Variants in NIBAN1 observed in about 807,000 individuals in gnomAD.
The protein encoded by NIBAN1 is niban apoptosis regulator 1.
In NIBAN1, 81 loss-of-function variants were observed where a neutral mutation model predicts 75.1. That is an observed-to-expected ratio of 1.08 (90% CI 0.90 to 1.30). NIBAN1 has a LOEUF of 1.30. NIBAN1 is among the 50% of genes most tolerant of loss of function. The pLI is 0.00. For missense variants in NIBAN1, 1,133 were observed against 1,128.1 expected, an observed-to-expected ratio of 1.00 and a Z score of -0.06; for synonymous variants, 436 against 424.8, an observed-to-expected ratio of 1.03 and a Z score of -0.32.
At chr1:184,878,227 G>C (rs112630788) in intron 5 of NIBAN1, among the ~76,000 whole-genome samples, 2 of 152,276 alleles carry the variant, frequency 1.3e-5, no homozygotes, top group African/African-American at 4.8e-5. Context: ...GAGCAGTTCT[G>C]TTTATTCTAG....
intron 1 of NIBAN1, among the ~76,000 whole-genome samples, chr1:184,917,757 G>A (rs765825577): frequency 6.6e-6 from 1 of 151,422 alleles, no homozygotes; most frequent in Non-Finnish European, 1.5e-5. Flanking sequence ...CCTTTTTCTC[G>A]GATTGCCATT....
At position 184,808,290 on chromosome 1, in the gene NIBAN1, C is replaced by A. The variant is rs1218218426; in HGVS notation, c.1174-55G>T. Reference sequence around the variant, plus strand: ...ACCCTCAGAATGAGGAGCGGTATTGCATATATATTGCATATTACATACATT... The same window carrying A: ...ACCCTCAGAATGAGGAGCGGTATTGAATATATATTGCATATTACATACATT... On this transcript the variant is annotated intron_variant, in intron 9 of 13. Transcript: ENST00000367511. 3.4e-5 allele frequency: 52 copies of A among 1,546,344 alleles called. 1 individual carries two copies. The highest frequency in any genetic ancestry group is 4.3e-5 in the Non-Finnish European group (49 of 1,130,068).
chr1:184,796,145 A>C (rs575639272), intron 13 of NIBAN1, 48 bp from the exon 14 acceptor site: 1 of 1,484,386 alleles, frequency 6.7e-7, no homozygotes, highest in South Asian at 1.4e-5. Flanking sequence ...TTTATTGAGA[A>C]GCCAAAGTCC....
rs4011647 is a variant in NIBAN1 at position 184,809,652 on chromosome 1, TAC to T, written c.1174-1419_1174-1418del. On this transcript the variant is annotated intron_variant, in intron 9 of 13. Coordinates refer to ENST00000367511, the MANE Select transcript of NIBAN1 (RefSeq NM_052966.4). ...ATATATGTGTGTGTGTATATATATA[TAC>T]ACATATATATGTGTGTGTGTATATA... Among the ~76,000 whole-genome samples the T allele has an allele frequency of 6.3e-4, 92 of 145,790 alleles. No homozygotes were observed. The South Asian group carries it at 6.9e-3, about 11-fold the overall frequency.
chr1:184,890,393 T>A (rs769959669), intron 3 of NIBAN1, among the ~76,000 whole-genome samples, 171 bp from the exon 4 acceptor site: 1 of 152,224 alleles, frequency 6.6e-6, no homozygotes, highest in African/African-American at 2.4e-5. Flanking sequence ...TACCTGCTAA[T>A]GGCAAGGTAA....
chr1:184,907,681 T>G (rs1657138664), intron 1 of NIBAN1, among the ~76,000 whole-genome samples: 2 of 152,214 alleles, frequency 1.3e-5, no homozygotes. Flanking sequence ...CCAAGGACTC[T>G]CTTTTTCTTC....
chr1:184,956,847 G>GC (rs1658503937), intron 1 of NIBAN1, among the ~76,000 whole-genome samples: 1 of 152,072 alleles, frequency 6.6e-6, no homozygotes. Context: ...CCCTTCATTA[G>GC]CCCCCCACCA....
intron 1 of NIBAN1, among the ~76,000 whole-genome samples, chr1:184,953,491 A>T (rs1329825977): frequency 2.0e-5 from 3 of 152,236 alleles, no homozygotes; most frequent in African/African-American, 7.2e-5. Context: ...CTCATTTGCA[A>T]AATACATCAT....
At position 184,884,622 on chromosome 1, in the gene NIBAN1, C is replaced by A; in HGVS notation, c.601+11G>T. ...TCCCGCCCCGGGGATGAGAGGGGAG[C>A]CGCGCCATACCATGATTGAGATGCC... On this transcript the variant is annotated intron_variant, in intron 5 of 13. Transcript: ENST00000367511. The A allele has an allele frequency of 6.2e-7, 1 of 1,613,326 alleles. No individual in the cohort carries two copies. Among genetic ancestry groups the A allele is most frequent in the Non-Finnish European group, 8.5e-7 (1 of 1,179,520 alleles).
chr1:184,942,283 ATACTTT>A (rs1462394425), intron 1 of NIBAN1, among the ~76,000 whole-genome samples: 1 of 152,280 alleles, frequency 6.6e-6, no homozygotes, highest in African/African-American at 2.4e-5. Flanking sequence ...CATTAAAGTT[ATACTTT>A]TTTAGTCCAT....
At chr1:184,861,605 GGAAGGAAAGGAGAAT>G (rs1231785430) in intron 5 of NIBAN1, among the ~76,000 whole-genome samples, 1 of 142,646 alleles carries the variant, frequency 7.0e-6, no homozygotes, top group Non-Finnish European at 1.5e-5. Flanking sequence ...AGGGAAGGAA[GGAAGGAAAGGAGAAT>G]GAAGGAAGGA....
intron 1 of NIBAN1, among the ~76,000 whole-genome samples, chr1:184,972,913 G>A (rs1414106790): frequency 6.6e-6 from 1 of 152,164 alleles, no homozygotes; most frequent in Non-Finnish European, 1.5e-5. Context: ...GCTTTCCAGT[G>A]AAATAAAGTC....
rs559124912 is a variant in NIBAN1 at position 184,899,013 on chromosome 1, T to C, written c.186+166A>G. 3.5e-4 allele frequency among the ~76,000 whole-genome samples: 53 copies of C among 152,322 alleles called. No homozygotes were observed. The Middle Eastern group carries it at 0.01, about 29-fold the overall frequency. ...TATGGATTATATCAGCAACAAGAAA[T>C]CATACATTCTAACTTCCAGGCAAAT... On this transcript the variant is annotated intron_variant, in intron 2 of 13. Coordinates refer to ENST00000367511, the MANE Select transcript of NIBAN1 (RefSeq NM_052966.4).
intron 1 of NIBAN1, among the ~76,000 whole-genome samples, chr1:184,936,064 G>T (rs1464223989): frequency 1.3e-5 from 2 of 151,688 alleles, no homozygotes; most frequent in African/African-American, 2.4e-5. Flanking sequence ...CTATTGAAAG[G>T]TTTACACTTA....
chr1:184,960,702 C>T (rs1197959467), intron 1 of NIBAN1, among the ~76,000 whole-genome samples: 1 of 152,096 alleles, frequency 6.6e-6, no homozygotes, highest in Admixed American at 6.5e-5. Flanking sequence ...AGTCTCGGCT[C>T]ACTGCAGCCT....
chr1:184,855,289 C>T (rs909634032), intron 5 of NIBAN1, among the ~76,000 whole-genome samples: 2 of 152,130 alleles, frequency 1.3e-5, no homozygotes, highest in African/African-American at 4.8e-5. Context: ...GTTTACGTTA[C>T]AATCAAGAAC....
intron 6 of NIBAN1, among the ~76,000 whole-genome samples, chr1:184,825,502 A>G (rs1654819492): frequency 6.6e-6 from 1 of 152,242 alleles, no homozygotes; most frequent in Non-Finnish European, 1.5e-5. Context: ...AGGGTATGAG[A>G]TAATTAATGG....
intron 9 of NIBAN1, among the ~76,000 whole-genome samples, chr1:184,813,490 C>T (rs1275604336): frequency 6.6e-6 from 1 of 152,034 alleles, no homozygotes; most frequent in Non-Finnish European, 1.5e-5. Flanking sequence ...ACATTAAATT[C>T]TAAATAAGGC....
intron 1 of NIBAN1, among the ~76,000 whole-genome samples, chr1:184,925,332 C>T (rs1657655370): frequency 6.6e-6 from 1 of 151,978 alleles, no homozygotes; most frequent in Non-Finnish European, 1.5e-5. Flanking sequence ...TATAGGCAAC[C>T]AATCATTGGG....
Sources: allele counts gnomAD v4.1 joint callset (sites outside exome capture counted in the v4.1 genomes callset), GRCh38; gene constraint gnomAD v4.1.1; transcripts MANE v1.5; gene names NCBI Gene and HGNC (gene_info 2026-07-23, HGNC 2026-07-21).